PTPRN2: variants seen among roughly 807,000 people sequenced by gnomAD.
PTPRN2 encodes the protein receptor-type tyrosine-protein phosphatase N2.
A neutral mutation model predicts 118.8 loss-of-function variants in PTPRN2; 74 were observed. The observed-to-expected ratio is 0.62, with a 90% CI of 0.52 to 0.76. The LOEUF (loss-of-function observed/expected upper bound fraction) is 0.76, where lower values mean the gene tolerates loss of function less well. Ranked by LOEUF, PTPRN2 falls within the 30% of genes least tolerant of loss-of-function variation. The probability of loss-of-function intolerance (pLI) is 0.00; values close to 1 mark genes in which losing one functional copy is unlikely to be tolerated. For missense variants in PTPRN2, 1,481 were observed against 1,394.4 expected (o/e 1.06, Z -0.99); for synonymous variants, 641 against 608.0 (o/e 1.05, Z -0.80).
chr7:157,794,504 T>C lies in PTPRN2; in HGVS notation c.1788+104169A>G, dbSNP rs1804743765. On this transcript the variant is annotated intron_variant, in intron 12 of 22. Transcript: ENST00000389418. The surrounding 1 kb of genome is among the most constrained non-coding windows in gnomAD (Gnocchi z 5.2). ...CTTTCGGATAAGTATGAAAATAGGC[T>C]CTCCCTCTCTGAGTCAAAGGAGGCA... Among the ~76,000 whole-genome samples, 1 of 152,190 alleles carries C rather than the reference T, an allele frequency of 6.6e-6. No individual in the cohort carries two copies. Among genetic ancestry groups the C allele is most frequent in the Non-Finnish European group, 1.5e-5 (1 of 68,042 alleles).
At chr7:158,176,040 C>T (rs1334448726) in intron 5 of PTPRN2, among the ~76,000 whole-genome samples, 1 of 152,058 alleles carries the variant, frequency 6.6e-6, no homozygotes, top group East Asian at 1.9e-4. Flanking sequence ...ACTCGCAATG[C>T]CGTGAGGCCA....
At chr7:158,051,499 C>A (rs1809323215) in intron 11 of PTPRN2, among the ~76,000 whole-genome samples, 1 of 152,196 alleles carries the variant, frequency 6.6e-6, no homozygotes, top group African/African-American at 2.4e-5. Flanking sequence ...AGGTTCCTGG[C>A]TGATTAGCAC....
At position 157,552,447 on chromosome 7, in the gene PTPRN2, A is replaced by C. The variant is rs1042226392; in HGVS notation, c.2903-3428T>G. On this transcript the variant is annotated intron_variant, in intron 21 of 22. Transcript: ENST00000389418. ...CACTGGGTCTCGTAACTCCTCACAC[A>C]CCCCAACTGCTGACCTCAGCGAGAT... Among the ~76,000 whole-genome samples the C allele has an allele frequency of 3.3e-5, 5 of 151,922 alleles. No individual in the cohort carries two copies. The South Asian group carries it at 1.0e-3, about 32-fold the overall frequency.
chr7:157,602,881 C>G (rs1801763121), intron 16 of PTPRN2, among the ~76,000 whole-genome samples: 1 of 152,246 alleles, frequency 6.6e-6, no homozygotes, highest in Non-Finnish European at 1.5e-5. Context: ...CGATTTGTGC[C>G]TCGATCACCT....
chr7:158,140,699 G>T (rs764785683), intron 6 of PTPRN2, among the ~76,000 whole-genome samples: 1 of 152,242 alleles, frequency 6.6e-6, no homozygotes, highest in African/African-American at 2.4e-5. Flanking sequence ...AGGAGGAAGC[G>T]TCGGGTGTGA....
chr7:158,489,041 C>T (rs570482982), intron 2 of PTPRN2, among the ~76,000 whole-genome samples: 1 of 152,362 alleles, frequency 6.6e-6, no homozygotes, highest in African/African-American at 2.4e-5. Flanking sequence ...CGCTGCTCGC[C>T]GTATTTCATA....
intron 12 of PTPRN2, among the ~76,000 whole-genome samples, chr7:157,822,093 C>A (rs1806878829): frequency 6.6e-6 from 1 of 151,980 alleles, no homozygotes; most frequent in African/African-American, 2.4e-5. Flanking sequence ...ATCAATCACC[C>A]ATACACTCAT....
intron 11 of PTPRN2, among the ~76,000 whole-genome samples, chr7:158,057,222 C>A (rs1288416534): frequency 6.6e-6 from 1 of 152,202 alleles, no homozygotes. Context: ...CCTATTGACA[C>A]CTGCCCAGCA....
rs944871265 is a variant in PTPRN2 at position 158,436,381 on chromosome 7, C to T, written c.163+53354G>A. Among the ~76,000 whole-genome samples the T allele has an allele frequency of 2.0e-5, 3 of 151,562 alleles. No individual in the cohort carries two copies. The East Asian group carries it at 5.9e-4, about 30-fold the overall frequency. On this transcript the variant is annotated intron_variant, in intron 2 of 22. Coordinates refer to ENST00000389418, the MANE Select transcript of PTPRN2 (RefSeq NM_002847.5). ...GGAGTCATCTGTTGATGGAGTCTCT[C>T]GAGTTCTGTCTGTCTTTTCCTAAGA... is the stretch of plus-strand genomic sequence containing the variant.
chr7:157,701,125 A>AT lies in PTPRN2; in HGVS notation c.1789-18189dup, dbSNP rs369385722. 7.4e-3 allele frequency among the ~76,000 whole-genome samples: 1,118 copies of AT among 151,848 alleles called. 58 individuals carry two copies. In the South Asian group the frequency reaches 0.14, roughly 19 times the overall value. ...CCCAGAGAAACCGTGGAATTCATGCATTTTTTTTTCCAGTTTTACAGATGA... is the reference window on the plus strand; with the variant it reads ...CCCAGAGAAACCGTGGAATTCATGCATTTTTTTTTTCCAGTTTTACAGATGA... On this transcript the variant is annotated intron_variant, in intron 12 of 22. Coordinates refer to ENST00000389418, the MANE Select transcript of PTPRN2 (RefSeq NM_002847.5).
chr7:157,702,540 C>A (rs548493402), intron 12 of PTPRN2, among the ~76,000 whole-genome samples: 1 of 152,338 alleles, frequency 6.6e-6, no homozygotes, highest in South Asian at 2.1e-4. Flanking sequence ...TCAGTGCCCT[C>A]CATAGGCTCC....
At chr7:158,042,338 G>A (rs1808534072) in intron 11 of PTPRN2, among the ~76,000 whole-genome samples, 1 of 152,178 alleles carries the variant, frequency 6.6e-6, no homozygotes, top group African/African-American at 2.4e-5. Context: ...TGGATTCAGT[G>A]TTCCCATCAA....
At chr7:157,982,767 C>T (rs1803389582) in intron 11 of PTPRN2, among the ~76,000 whole-genome samples, 2 of 89,186 alleles carry the variant, frequency 2.2e-5, no homozygotes, top group African/African-American at 9.0e-5. Context: ...AGTGCAGGGT[C>T]CCCCCCAAAC....
intron 8 of PTPRN2, among the ~76,000 whole-genome samples, chr7:158,136,119 T>C (rs911312590): frequency 6.6e-6 from 1 of 152,246 alleles, no homozygotes; most frequent in Non-Finnish European, 1.5e-5. Flanking sequence ...TCCTGTGGCA[T>C]CCAGCGCCTT....
chr7:157,567,196 A>G (rs1364320364), intron 21 of PTPRN2, among the ~76,000 whole-genome samples: 1 of 152,244 alleles, frequency 6.6e-6, no homozygotes, highest in African/African-American at 2.4e-5. Context: ...ATGGACAAGG[A>G]AAAATGGACT....
intron 3 of PTPRN2, among the ~76,000 whole-genome samples, chr7:158,302,236 G>C (rs1311427310): frequency 6.6e-6 from 1 of 152,156 alleles, no homozygotes; most frequent in Non-Finnish European, 1.5e-5. Flanking sequence ...TGAGGGCTAG[G>C]GGTTAGCCGC....
Position 158,409,980 on chromosome 7 carries a change from A to G in PTPRN2, c.163+79755T>C, listed in dbSNP as rs138168229. ...TTGAGAAGATGGGGTGTGCCCCCAC[A>G]GCCCCAGCTGCCTGAGGTTCGCTGA... On this transcript the variant is annotated intron_variant, in intron 2 of 22. Coordinates refer to ENST00000389418, the MANE Select transcript of PTPRN2 (RefSeq NM_002847.5). Among the ~76,000 whole-genome samples the G allele has an allele frequency of 4.5e-3, 683 of 152,330 alleles. 5 individuals carry two copies. The highest frequency in any genetic ancestry group is 0.016 in the African/African-American group (657 of 41,574).
At chr7:158,414,667 T>C (rs1472089684) in intron 2 of PTPRN2, among the ~76,000 whole-genome samples, 1 of 152,236 alleles carries the variant, frequency 6.6e-6, no homozygotes, top group African/African-American at 2.4e-5. Flanking sequence ...GTCCTCGATC[T>C]GGCATAATTG....
At chr7:158,140,285 G>A (rs1257891113) in intron 6 of PTPRN2, among the ~76,000 whole-genome samples, 2 of 152,164 alleles carry the variant, frequency 1.3e-5, no homozygotes, top group East Asian at 1.9e-4. Context: ...AAGGCGCCAG[G>A]GCGTTTCAAC....
Sources: allele counts gnomAD v4.1 joint callset (sites outside exome capture counted in the v4.1 genomes callset), GRCh38; gene constraint gnomAD v4.1.1; non-coding constraint Gnocchi (gnomAD v3.1); transcripts MANE v1.5; gene names NCBI Gene and HGNC (gene_info 2026-07-23, HGNC 2026-07-21).